Variants in ARSG observed in about 807,000 individuals in gnomAD.
ARSG encodes ASG.
A neutral mutation model predicts 50.5 loss-of-function variants in ARSG; 37 were observed. The observed-to-expected ratio is 0.73, with a 90% CI of 0.56 to 0.96. ARSG has a LOEUF of 0.96. Among genes scored for constraint, ARSG ranks in the 50% least tolerant of loss-of-function variants. ARSG has a pLI of 0.00. For missense variants in ARSG, 629 were observed against 675.3 expected, an observed-to-expected ratio of 0.93 and a Z score of 0.76; for synonymous variants, 225 against 254.6, an observed-to-expected ratio of 0.88 and a Z score of 1.11.
At chr17:68,349,457 A>G (rs947167284) in intron 4 of ARSG, among the ~76,000 whole-genome samples, 1 of 152,226 alleles carries the variant, frequency 6.6e-6, no homozygotes, top group African/African-American at 2.4e-5. Flanking sequence ...TTCCGGCAGA[A>G]GTTTGCTCTC....
At chr17:68,429,992 G>C in the ARSG span, 2 of 1,614,044 alleles carry the variant, frequency 1.2e-6, no homozygotes, top group Non-Finnish European at 1.7e-6. Context: ...GTCATTGTAC[G>C]TACGTTGAGA....
At chr17:68,437,518 C>T in the ARSG span, among the ~76,000 whole-genome samples, 1 of 151,442 alleles carries the variant, frequency 6.6e-6, no homozygotes, top group East Asian at 1.9e-4. Flanking sequence ...AGTGCCACTG[C>T]ACTCCAGCCT....
At chr17:68,434,707 A>T in the ARSG span, 1 of 1,452,792 alleles carries the variant, frequency 6.9e-7, no homozygotes, top group Non-Finnish European at 9.5e-7. Flanking sequence ...AGTTTGTTTT[A>T]TTGGTTTTGA....
At chr17:68,274,799 A>C (rs535992318) in intron 1 of ARSG, among the ~76,000 whole-genome samples, 1 of 133,380 alleles carries the variant, frequency 7.5e-6, no homozygotes, top group South Asian at 2.3e-4. Context: ...TTTTTTTTTG[A>C]GATGGAGTTT....
chr17:68,350,772 G>A (rs1027486258), intron 4 of ARSG, among the ~76,000 whole-genome samples: 5 of 150,856 alleles, frequency 3.3e-5, no homozygotes, highest in Admixed American at 6.7e-5. Context: ...GTGACAGAGC[G>A]AGACTCCGTC....
chr17:68,394,546 A>G (rs1673069321), intron 9 of ARSG, among the ~76,000 whole-genome samples: 1 of 152,128 alleles, frequency 6.6e-6, no homozygotes, highest in African/African-American at 2.4e-5. Context: ...TCAGACGAGT[A>G]TTACTTCAGC....
chr17:68,345,122 G>T (rs1051629250), intron 3 of ARSG, among the ~76,000 whole-genome samples: 4 of 152,178 alleles, frequency 2.6e-5, no homozygotes, highest in African/African-American at 9.7e-5. Context: ...CACCATTTGT[G>T]AAACTGCCAC....
chr17:68,414,754 A>G (rs2082264456), intron 11 of ARSG, among the ~76,000 whole-genome samples: 1 of 152,132 alleles, frequency 6.6e-6, no homozygotes, highest in Admixed American at 6.5e-5. Flanking sequence ...TTCCTGATTT[A>G]AGCTAGGAGG....
At chr17:68,432,539 CA>C in the ARSG span, among the ~76,000 whole-genome samples, 1 of 152,020 alleles carries the variant, frequency 6.6e-6, no homozygotes, top group Admixed American at 6.6e-5. Flanking sequence ...ATGAGGTCCG[CA>C]TGTGTCAGCA....
chr17:68,272,499 G>T, intron 1 of ARSG: 4 of 975,562 alleles, frequency 4.1e-6, no homozygotes, highest in Middle Eastern at 3.5e-4. Flanking sequence ...CTAAAAATGA[G>T]CTGGAGAAGA....
intron 1 of ARSG, among the ~76,000 whole-genome samples, chr17:68,275,024 C>T (rs1424495517): frequency 6.6e-6 from 1 of 152,184 alleles, no homozygotes; most frequent in African/African-American, 2.4e-5. Context: ...AGGTGATCCG[C>T]CCACCTCGGC....
intron 1 of ARSG, among the ~76,000 whole-genome samples, chr17:68,283,843 A>T (rs2075775411): frequency 7.1e-6 from 1 of 140,260 alleles, no homozygotes; most frequent in African/African-American, 2.7e-5. Context: ...GTGCTATTGC[A>T]CTCCAGCCTG....
At chr17:68,392,169 C>T (rs768753100) in intron 9 of ARSG, among the ~76,000 whole-genome samples, 6 of 152,208 alleles carry the variant, frequency 3.9e-5, no homozygotes, top group Non-Finnish European at 7.3e-5. Context: ...TGGGAAAGTC[C>T]AGCTTCGCAT....
At position 68,399,627 on chromosome 17, in the gene ARSG, T is replaced by C. The variant is rs2081388883; in HGVS notation, c.1213-1733T>C. 6.6e-6 allele frequency among the ~76,000 whole-genome samples: 1 copy of C among 152,216 alleles called. No individual in the cohort carries two copies. Among genetic ancestry groups the C allele is most frequent in the South Asian group, 2.1e-4 (1 of 4,836 alleles). ...AAGTTCTCCAAAGTCCATCTATGTTTCTGAGAATGAGCCATCCCACAGTTT... is the reference window on the plus strand; with the variant it reads ...AAGTTCTCCAAAGTCCATCTATGTTCCTGAGAATGAGCCATCCCACAGTTT... On this transcript the variant is annotated intron_variant, in intron 10 of 11. Coordinates refer to ENST00000621439, the MANE Select transcript of ARSG (RefSeq NM_001267727.2). The surrounding 1 kb of genome is among the most constrained non-coding windows in gnomAD (Gnocchi z 4.6).
intron 11 of ARSG, among the ~76,000 whole-genome samples, chr17:68,407,048 A>C (rs191144411): frequency 1.2e-4 from 18 of 152,300 alleles, no homozygotes; most frequent in Admixed American, 3.9e-4. Context: ...ATTTTTGTAT[A>C]AGGTGAGAGA....
At chr17:68,305,341 T>C (rs1207274564) in intron 1 of ARSG, among the ~76,000 whole-genome samples, 1 of 152,208 alleles carries the variant, frequency 6.6e-6, no homozygotes, top group African/African-American at 2.4e-5. Context: ...GCAGTTTCCT[T>C]TTTCTTCTTG....
intron 1 of ARSG, among the ~76,000 whole-genome samples, chr17:68,298,201 T>C (rs1266444142): frequency 1.3e-5 from 2 of 152,188 alleles, no homozygotes; most frequent in Non-Finnish European, 2.9e-5. Flanking sequence ...GTTTTTTTCC[T>C]AAATTTGGGT....
At chr17:68,430,179 G>T in the ARSG span, 9 of 1,602,906 alleles carry the variant, frequency 5.6e-6, no homozygotes, top group Non-Finnish European at 7.7e-6. Flanking sequence ...TAATGCACAG[G>T]CAACGATGGG....
At chr17:68,444,618 C>T in the ARSG span, 15 of 1,583,146 alleles carry the variant, frequency 9.5e-6, no homozygotes, top group South Asian at 4.5e-5. Context: ...ATCAGTCTAC[C>T]GAACCGTTCC....
Sources: gnomAD v4.1 joint callset for allele counts (sites outside exome capture counted in the v4.1 genomes callset) on GRCh38, gnomAD v4.1.1 for gene constraint, Gnocchi (gnomAD v3.1) non-coding constraint, MANE v1.5 for transcripts, NCBI Gene and HGNC (gene_info 2026-07-23, HGNC 2026-07-21) for gene names.